Variants in LARS2 observed in about 807,000 individuals in gnomAD.
LARS2 encodes the protein leucyl-tRNA synthetase 2, mitochondrial.
LARS2 carries 81 observed loss-of-function variants against 116.6 expected under a neutral mutation model. The observed-to-expected ratio is 0.69, with a 90% CI of 0.58 to 0.84. The LOEUF (loss-of-function observed/expected upper bound fraction) is 0.84, where lower values mean the gene tolerates loss of function less well. Ranked by LOEUF, LARS2 falls within the 40% of genes least tolerant of loss-of-function variation. LARS2 has a pLI of 0.00. For missense variants in LARS2, 968 were observed against 1,114.5 expected (o/e 0.87, Z 1.87); for synonymous variants, 396 against 407.2 (o/e 0.97, Z 0.33).
chr3:45,417,539 G>A lies in LARS2; in HGVS notation c.421G>A (p.Glu141Lys), dbSNP rs1559462145. The A allele has an allele frequency of 4.3e-6, 7 of 1,613,992 alleles. No individual in the cohort carries two copies. Among genetic ancestry groups the A allele is most frequent in the South Asian group, 3.3e-5 (3 of 91,086 alleles). ...FGLPAENAAV[E>K]RNLHPQSWTQ... The stretch of plus-strand genomic sequence containing the variant: ...ATTGCCTGCTGAAAATGCCGCAGTC[G>A]AGAGGAATCTACATCCACAAAGTTG... The change falls in exon 5 of 22, where the codon GAG (glutamate) becomes AAG (lysine). Residue 141 changes from glutamate (E) to lysine (K), a missense_variant. By Grantham distance (56) the Glu-to-Lys change is moderately conservative. Transcript: ENST00000645846.
At chr3:45,545,605 G>C (rs533880298) in intron 21 of LARS2, among the ~76,000 whole-genome samples, 24 of 152,304 alleles carry the variant, frequency 1.6e-4, no homozygotes, top group African/African-American at 5.8e-4. Flanking sequence ...AGCCAGAACC[G>C]TGTGAGGGTG....
At chr3:45,435,824 G>A (rs536383601) in intron 6 of LARS2, among the ~76,000 whole-genome samples, 1 of 152,066 alleles carries the variant, frequency 6.6e-6, no homozygotes, top group South Asian at 2.1e-4. Context: ...AGAGTCTTAT[G>A]TTTCATTCAT....
At position 45,474,306 on chromosome 3, in the gene LARS2, T is replaced by C; in HGVS notation, c.814T>C (p.Trp272Arg). Residue 272 changes from tryptophan (W) to arginine (R), a missense_variant, in exon 9 of 22, where the codon TGG (tryptophan) becomes CGG (arginine). Transcript: ENST00000645846. ...WYGIKGMQAH[W>R]IGDCVGCHLD... ...TGGAATAAAAGGCATGCAAGCCCAC[T>C]GGATTGGGGACTGTGTGGGCTGCCA... 1 of 1,611,798 alleles carries C rather than the reference T, an allele frequency of 6.2e-7. No individual in the cohort carries two copies. Among genetic ancestry groups the C allele is most frequent in the Non-Finnish European group, 8.5e-7 (1 of 1,178,194 alleles).
At chr3:45,492,554 T>C (rs1304716361) in intron 13 of LARS2, among the ~76,000 whole-genome samples, 1 of 152,216 alleles carries the variant, frequency 6.6e-6, no homozygotes, top group Non-Finnish European at 1.5e-5. Context: ...GGTAACCACG[T>C]AGTGTAATTG....
At chr3:45,491,952 T>C in intron 13 of LARS2, 152 bp downstream of exon 13, 2 of 733,404 alleles carry the variant, frequency 2.7e-6, no homozygotes, top group East Asian at 5.4e-5. Flanking sequence ...TTTGGGGCCC[T>C]TTAAGAGAAG....
intron 13 of LARS2, among the ~76,000 whole-genome samples, chr3:45,492,686 C>CA (rs1699943403): frequency 6.6e-6 from 1 of 152,156 alleles, no homozygotes; most frequent in Admixed American, 6.5e-5. Context: ...TCATCAGGAA[C>CA]AAAAATAACC....
chr3:45,417,456 G>T (rs1410270581), intron 4 of LARS2, 26 bp from the exon 5 acceptor site: 1 of 1,557,160 alleles, frequency 6.4e-7, no homozygotes, highest in Non-Finnish European at 8.9e-7. Flanking sequence ...ATTTGCCATG[G>T]TTGATGTTCC....
intron 3 of LARS2, among the ~76,000 whole-genome samples, chr3:45,399,550 G>A (rs1019320163): frequency 6.6e-6 from 1 of 151,558 alleles, no homozygotes; most frequent in Non-Finnish European, 1.5e-5. Flanking sequence ...TCTTGCTTTC[G>A]CTTTCTTCTA....
chr3:45,513,387 C>T (rs1344705832), intron 16 of LARS2, 152 bp downstream of exon 16: 2 of 622,254 alleles, frequency 3.2e-6, no homozygotes, highest in African/African-American at 3.7e-5. Context: ...TCAGCTCCCT[C>T]TGGGCCTGCG....
At position 45,520,979 on chromosome 3, in the gene LARS2, G is replaced by A. The variant is rs573308438; in HGVS notation, c.2292+683G>A. On this transcript the variant is annotated intron_variant, in intron 19 of 21. Transcript: ENST00000645846. ...AAGCTGAGAGGATCACTTGAGGCCA[G>A]GAGTTCAAGACCTGCCTGGGCCGCG... 2.3e-4 allele frequency among the ~76,000 whole-genome samples: 35 copies of A among 152,284 alleles called. 2 individuals carry two copies. The South Asian group carries it at 6.2e-3, about 27-fold the overall frequency.
chr3:45,391,041 G>A lies in LARS2; in HGVS notation c.-87-542G>A, dbSNP rs148692937. Among the ~76,000 whole-genome samples the A allele has an allele frequency of 1.6e-3, 249 of 152,206 alleles. 1 individual carries two copies. The highest frequency in any genetic ancestry group is 5.4e-3 in the African/African-American group (225 of 41,538). ...TTGCAGTTTTGCTGAACATTTTCTCGTAGCTAATTGCTTGCTTTCCAATTC... is the reference window on the plus strand; with the variant it reads ...TTGCAGTTTTGCTGAACATTTTCTCATAGCTAATTGCTTGCTTTCCAATTC... On this transcript the variant is annotated intron_variant, in intron 1 of 21. Coordinates refer to ENST00000645846, the MANE Select transcript of LARS2 (RefSeq NM_015340.4).
intron 6 of LARS2, among the ~76,000 whole-genome samples, chr3:45,420,957 T>G (rs1371754617): frequency 6.6e-6 from 1 of 152,226 alleles, no homozygotes; most frequent in African/African-American, 2.4e-5. Context: ...TGCAGTCTTT[T>G]ATTTTGGAAT....
chr3:45,463,599 A>C (rs1237278964), intron 8 of LARS2, among the ~76,000 whole-genome samples: 1 of 151,712 alleles, frequency 6.6e-6, no homozygotes, highest in African/African-American at 2.4e-5. Flanking sequence ...AAGTAATAGC[A>C]TGGGGATTCA....
chr3:45,521,651 A>G (rs1198496446), intron 19 of LARS2, among the ~76,000 whole-genome samples: 3 of 152,264 alleles, frequency 2.0e-5, no homozygotes, highest in Admixed American at 6.5e-5. Flanking sequence ...ATATGAAAAG[A>G]TAATAACTCA....
At chr3:45,491,160 A>G (rs755079366) in intron 12 of LARS2, among the ~76,000 whole-genome samples, 1 of 152,236 alleles carries the variant, frequency 6.6e-6, no homozygotes, top group Non-Finnish European at 1.5e-5. Context: ...ACCAGGGCCA[A>G]CTTAGACACA....
chr3:45,451,453 A>G (rs1699126680), intron 7 of LARS2, among the ~76,000 whole-genome samples: 1 of 152,126 alleles, frequency 6.6e-6, no homozygotes, highest in African/African-American at 2.4e-5. Flanking sequence ...CATTTATTAA[A>G]GAGACTGTCT....
chr3:45,497,442 T>A (rs1700033842), intron 14 of LARS2, among the ~76,000 whole-genome samples: 2 of 152,202 alleles, frequency 1.3e-5, no homozygotes, highest in African/African-American at 4.8e-5. Context: ...ATTGCTCTTG[T>A]CCATGGCAGA....
chr3:45,416,982 G>C (rs556421724), intron 4 of LARS2, among the ~76,000 whole-genome samples: 1 of 151,766 alleles, frequency 6.6e-6, no homozygotes, highest in East Asian at 2.0e-4. Context: ...GCTGATGCAG[G>C]AGAATCGCTT....
rs993767428 is a variant in LARS2, at chr3:45,548,557, G to C, written c.*1027G>C. The C allele has an allele frequency of 1.3e-5, 2 of 152,270 alleles. No homozygotes were observed. Among genetic ancestry groups the C allele is most frequent in the African/African-American group, 4.8e-5 (2 of 41,470 alleles). The allele number at this position is 152,270 out of a possible 1,614,324, so 9.4% of individuals were successfully genotyped here. ...GTGTCCAAGCCACAGCGGTCTGGCT[G>C]TTGGGAAGATGGCCAGGAATGGACT... On this transcript the variant is annotated 3_prime_UTR_variant, in exon 22 of 22. Transcript: ENST00000645846.
Sources: allele counts gnomAD v4.1 joint callset (sites outside exome capture counted in the v4.1 genomes callset), GRCh38; gene constraint gnomAD v4.1.1; transcripts MANE v1.5; gene names NCBI Gene and HGNC (gene_info 2026-07-23, HGNC 2026-07-21).